Variants in TCTN2 observed in about 807,000 individuals in gnomAD.
TCTN2 encodes tectonic family member 2.
A neutral mutation model predicts 83.4 loss-of-function variants in TCTN2; 66 were observed. The ratio of observed to expected loss-of-function variants is 0.79; its 90% CI spans 0.65 to 0.97. The LOEUF (loss-of-function observed/expected upper bound fraction) is 0.97. TCTN2 is among the 50% of genes least tolerant of loss of function. The pLI is 0.00. For missense variants in TCTN2, 794 were observed against 858.1 expected (o/e 0.93, Z 0.93); for synonymous variants, 301 against 326.7 (o/e 0.92, Z 0.85).
intron 11 of TCTN2, chr12:123,696,027 AG>A (rs1055946105): frequency 4.0e-6 from 1 of 251,920 alleles, no homozygotes; most frequent in Non-Finnish European, 7.8e-6. Context: ...TACTTTTAGT[AG>A]AGATGAGGTT....
intron 8 of TCTN2, among the ~76,000 whole-genome samples, chr12:123,690,994 G>A (rs573555108): frequency 1.8e-4 from 27 of 151,888 alleles, no homozygotes; most frequent in African/African-American, 6.3e-4. Flanking sequence ...TCAGCTTCCC[G>A]AGTAGCTGGG....
At position 123,679,196 on chromosome 12, in the gene TCTN2, G is replaced by C. The variant is rs781086567; in HGVS notation, c.471G>C (p.Val157=). The C allele has an allele frequency of 8.1e-6, 13 of 1,613,472 alleles. No individual in the cohort carries two copies. The highest frequency in any genetic ancestry group is 1.0e-5 in the Non-Finnish European group (12 of 1,179,564). Residue 157 remains valine, a synonymous_variant, in exon 5 of 18, where the codon GTG becomes GTC. Transcript: ENST00000303372. ...GTTGTGTGTACTTTTCAGAGAACGT[G>C]ACTGTCATTCCTAACCAGGTGTATC... is the stretch of plus-strand genomic sequence containing the variant. ...SSLTHNASEN[V]TVIPNQVYQP...
intron 14 of TCTN2, chr12:123,700,153 A>G: frequency 2.4e-6 from 1 of 411,628 alleles, no homozygotes; most frequent in Admixed American, 3.7e-5. Context: ...CTGGAACCAC[A>G]GGTGTGCGCC....
intron 15 of TCTN2, among the ~76,000 whole-genome samples, chr12:123,706,296 A>T (rs1418930253): frequency 6.6e-6 from 1 of 152,174 alleles, no homozygotes; most frequent in Non-Finnish European, 1.5e-5. Context: ...TACTCTTCTG[A>T]GGATAACATG....
chr12:123,674,680 G>A (rs1593832463), intron 4 of TCTN2, among the ~76,000 whole-genome samples: 2 of 152,122 alleles, frequency 1.3e-5, no homozygotes, highest in South Asian at 2.1e-4. Flanking sequence ...AATTTCTTGA[G>A]CCCAGGAGTT....
intron 15 of TCTN2, among the ~76,000 whole-genome samples, chr12:123,705,986 C>G (rs1956224156): frequency 6.6e-6 from 1 of 151,930 alleles, no homozygotes; most frequent in Non-Finnish European, 1.5e-5. Context: ...GAACTCCCAA[C>G]CTGAGGTGAT....
intron 15 of TCTN2, among the ~76,000 whole-genome samples, chr12:123,704,926 C>A (rs1956212736): frequency 6.6e-6 from 1 of 151,864 alleles, no homozygotes; most frequent in African/African-American, 2.4e-5. Context: ...TTAGGGAGTA[C>A]AAAGATGAAT....
chr12:123,691,955 C>T lies in TCTN2; in HGVS notation c.1034-703C>T, dbSNP rs1353976052. On this transcript the variant is annotated intron_variant, in intron 8 of 17. Coordinates refer to ENST00000303372, the MANE Select transcript of TCTN2 (RefSeq NM_024809.5). ...TGTCCGCCAGGCTGGAGTGCGATGGCGCGATCTCGGCTCACGGCAACCTCC... is the reference window on the plus strand; with the variant it reads ...TGTCCGCCAGGCTGGAGTGCGATGGTGCGATCTCGGCTCACGGCAACCTCC... Among the ~76,000 whole-genome samples the T allele has an allele frequency of 3.3e-5, 5 of 151,766 alleles. No homozygotes were observed. The South Asian group carries it at 6.2e-4, about 19-fold the overall frequency.
At chr12:123,707,114 A>G (rs1441458447) in intron 17 of TCTN2, 41 bp downstream of exon 17, 2 of 1,559,330 alleles carry the variant, frequency 1.3e-6, no homozygotes, top group African/African-American at 1.4e-5. Context: ...ATGTTATGTC[A>G]ATTTAAAAAA....
In TCTN2 at chr12:123,707,053, C is replaced by A; in HGVS notation, c.1964C>A (p.Pro655Gln). 1 of 1,613,436 alleles carries A rather than the reference C, an allele frequency of 6.2e-7. No homozygotes were observed. The highest frequency in any genetic ancestry group is 8.5e-7 in the Non-Finnish European group (1 of 1,179,932). Reference sequence around the variant, plus strand: ...GTGTGTTGGCCGCAGCTTCTATATCCATGGACTCAGTATTATCAAGGTAGG... The same window carrying A: ...GTGTGTTGGCCGCAGCTTCTATATCAATGGACTCAGTATTATCAAGGTAGG... ...NEVCWPQLLY[P>Q]WTQYYQGELH... The change falls in exon 17 of 18, where the codon CCA becomes CAA. Residue 655 changes from proline (P) to glutamine (Q), a missense_variant. By Grantham distance (76) the Pro-to-Gln change is moderately conservative (BLOSUM62 -1). Coordinates refer to ENST00000303372, the MANE Select transcript of TCTN2 (RefSeq NM_024809.5).
intron 11 of TCTN2, chr12:123,695,520 C>A: frequency 1.0e-5 from 4 of 396,950 alleles, no homozygotes; most frequent in East Asian, 5.0e-5. Context: ...CTCCTGGGTT[C>A]AAGAGATTTT....
intron 4 of TCTN2, 115 bp from the exon 5 acceptor site, chr12:123,679,074 G>C: frequency 1.1e-6 from 1 of 893,092 alleles, no homozygotes; most frequent in East Asian, 2.6e-5. Flanking sequence ...TGGGATTACA[G>C]GCGTGAGCCA....
At chr12:123,695,445 G>A (rs1004793928) in intron 11 of TCTN2, 148 bp downstream of exon 11, 10 of 639,150 alleles carry the variant, frequency 1.6e-5, no homozygotes, top group Non-Finnish European at 2.5e-5. Context: ...TTTTTGAGAC[G>A]GAGTCTTGCT....
intron 5 of TCTN2, among the ~76,000 whole-genome samples, chr12:123,685,273 ACAAT>A (rs939491741): frequency 3.6e-4 from 55 of 152,230 alleles, no homozygotes; most frequent in African/African-American, 1.3e-3. Context: ...CACTTTATAA[ACAAT>A]CAATTTTTAA....
chr12:123,676,548 A>G (rs1261574278), intron 4 of TCTN2, among the ~76,000 whole-genome samples: 1 of 142,272 alleles, frequency 7.0e-6, no homozygotes, highest in African/African-American at 2.7e-5. Context: ...AGCCTGGGTG[A>G]CAGAGCGAGA....
At chr12:123,680,198 C>T (rs1464353786) in intron 5 of TCTN2, among the ~76,000 whole-genome samples, 2 of 151,362 alleles carry the variant, frequency 1.3e-5, no homozygotes, top group African/African-American at 4.8e-5. Context: ...ACTAAAAATA[C>T]AAAATTAGCC....
intron 3 of TCTN2, among the ~76,000 whole-genome samples, chr12:123,673,065 T>TA (rs907154613): frequency 1.3e-5 from 2 of 151,914 alleles, no homozygotes; most frequent in African/African-American, 4.8e-5. Context: ...AAAAGCTTCA[T>TA]AACCACTGAT....
rs773570450 is a variant in TCTN2, at chr12:123,704,634, A to T, written c.1715A>T (p.Asp572Val). The T allele has an allele frequency of 2.5e-6, 4 of 1,613,460 alleles. No individual in the cohort carries two copies. Among genetic ancestry groups the T allele is most frequent in the Non-Finnish European group, 3.4e-6 (4 of 1,179,942 alleles). Residue 572 changes from aspartate to valine, a missense_variant, in exon 15 of 18, where the codon GAT (aspartate) becomes GTT (valine). Physicochemically the swap from Asp to Val is radical, Grantham distance 152. Coordinates refer to ENST00000303372, the MANE Select transcript of TCTN2 (RefSeq NM_024809.5). ...CTGAGCATCCGCATCCTCATCTCGG[A>T]TGCTGGCGCGGTGGAAGGGATTACT... The part of the protein sequence containing the change: ...AHLSIRILIS[D>V]AGAVEGITQQ...
intron 15 of TCTN2, among the ~76,000 whole-genome samples, chr12:123,705,289 A>G (rs1404499150): frequency 1.3e-5 from 2 of 151,092 alleles, no homozygotes; most frequent in African/African-American, 4.9e-5. Context: ...CAGCCTCCCG[A>G]GTAGCTGGGA....
Sources: gnomAD v4.1 joint callset for allele counts (sites outside exome capture counted in the v4.1 genomes callset) on GRCh38, gnomAD v4.1.1 for gene constraint, MANE v1.5 for transcripts, NCBI Gene and HGNC (gene_info 2026-07-23, HGNC 2026-07-21) for gene names.